The following APOLD1 variants were observed in gnomAD, a reference collection of about 807,000 sequenced individuals.
APOLD1 encodes apolipoprotein L domain-containing protein 1.
Under a neutral mutation model 15.3 loss-of-function variants are expected in APOLD1, and 22 were observed. The observed-to-expected ratio is 1.44, with a 90% CI of 1.03 to 2.05. The LOEUF (loss-of-function observed/expected upper bound fraction) is 2.05, where lower values mean the gene tolerates loss of function less well. Ranked by LOEUF, APOLD1 falls within the 30% of genes most tolerant of loss-of-function variation. APOLD1 has a pLI of 0.00. For synonymous variants in APOLD1, 190 were observed against 167.4 expected (o/e 1.13, Z -1.04); for missense variants, 394 against 353.5 (o/e 1.11, Z -0.92).
intron 1 of APOLD1, among the ~76,000 whole-genome samples, chr12:12,774,546 CAAAAAAAAAA>C (rs57343706): frequency 1.9e-4 from 8 of 42,294 alleles, no homozygotes; most frequent in African/African-American, 5.3e-4. Context: ...ACTCTAACTC[CAAAAAAAAAA>C]AAAAAAAAAA....
At chr12:12,726,463 A>G (rs1008173800) in intron 1 of APOLD1, 10 of 289,110 alleles carry the variant, frequency 3.5e-5, no homozygotes, top group Admixed American at 1.9e-4. Context: ...AATGGAAATG[A>G]CATTCTTTAT....
In APOLD1 at chr12:12,786,967, AG is replaced by A. The variant is rs1947132187; in HGVS notation, c.65del (p.Gly22AspfsTer33). 1 of 1,458,702 alleles carries A rather than the reference AG, an allele frequency of 6.9e-7. No individual in the cohort carries two copies. Among genetic ancestry groups the A allele is most frequent in the Non-Finnish European group, 9.0e-7 (1 of 1,115,066 alleles). The allele number at this position is 1,458,702 out of a possible 1,614,324, so 90.4% of individuals were successfully genotyped here. On this transcript the variant is annotated frameshift_variant, in exon 2 of 2. Coordinates refer to ENST00000356591, the MANE Select transcript of APOLD1 (RefSeq NM_030817.3). LOFTEE classifies it high-confidence loss of function. Reference sequence around the variant, plus strand: ...GGGCCCGACGCGCTGCGGCGCTTCCAGGGACTGCTGCTGGACCGCCGAGGCC... The same window carrying A: ...GGGCCCGACGCGCTGCGGCGCTTCCAGGACTGCTGCTGGACCGCCGAGGCC... The part of the protein sequence containing the change: ...PHGPDALRRF[Q>X]GLLLDRRGRL...
intron 1 of APOLD1, 25 bp downstream of exon 1, chr12:12,785,719 T>C (rs1253340498): frequency 6.2e-7 from 1 of 1,606,362 alleles, no homozygotes. Context: ...CTGAGGCATA[T>C]ATTCGGGATG....
chr12:12,786,957 C>T lies in APOLD1; in HGVS notation c.52C>T (p.Arg18Trp), dbSNP rs757476941. ...GGAGCCGCATGGGCCCGACGCGCTG[C>T]GGCGCTTCCAGGGACTGCTGCTGGA... ...AREPHGPDALRRFQGLLLDRR... is the reference protein window; with the variant it reads ...AREPHGPDALWRFQGLLLDRR... The change falls in exon 2 of 2, where the codon CGG becomes TGG. Residue 18 changes from arginine to tryptophan, a missense_variant. Transcript: ENST00000356591. 1.5e-4 allele frequency: 213 copies of T among 1,459,370 alleles called. No homozygotes were observed. Among genetic ancestry groups the T allele is most frequent in the Non-Finnish European group, 1.8e-4 (204 of 1,114,912 alleles). 90.4% of individuals were successfully genotyped at this position (1,459,370 alleles called of 1,614,324 possible).
At chr12:12,764,809 AG>A in intron 1 of APOLD1, 1 of 383,026 alleles carries the variant, frequency 2.6e-6, no homozygotes. Flanking sequence ...AGAGTAAGGA[AG>A]GCCACAGCAT....
rs146267312 is a variant in APOLD1 at position 12,768,852 on chromosome 12, G to A, written c.97-18057G>A. 1.8e-4 allele frequency among the ~76,000 whole-genome samples: 27 copies of A among 151,404 alleles called. No individual in the cohort carries two copies. In the East Asian group the frequency reaches 5.0e-3, roughly 28 times the overall value. ...TAGCATTGAAAGTAAAGGCAGAAAT[G>A]ACTTTTAAAGTGCTACATTTTCAGG... On this transcript the variant is annotated intron_variant, in intron 1 of 1. Coordinates refer to the APOLD1 transcript ENST00000326765.
intron 1 of APOLD1, among the ~76,000 whole-genome samples, chr12:12,741,073 C>A (rs527730796): frequency 2.6e-5 from 4 of 152,190 alleles, no homozygotes; most frequent in East Asian, 1.9e-4. Context: ...CTTTTTTGTA[C>A]CTCTTACCAA....
At chr12:12,786,781 G>A (rs1475572431) in intron 1 of APOLD1, 128 bp from the exon 2 acceptor site, 2 of 1,299,524 alleles carry the variant, frequency 1.5e-6, no homozygotes, top group African/African-American at 3.1e-5. Flanking sequence ...AAACAGACCC[G>A]TTCCCCTAGC....
At chr12:12,729,623 AAAAAAT>A (rs1246757827) in intron 1 of APOLD1, among the ~76,000 whole-genome samples, 3 of 152,064 alleles carry the variant, frequency 2.0e-5, no homozygotes, top group African/African-American at 7.2e-5. Flanking sequence ...ACCTGTTTCT[AAAAAAT>A]AAAAATAAAT....
chr12:12,781,526 CTTTTTTTTTTTT>C (rs774609531), upstream of APOLD1, among the ~76,000 whole-genome samples: 1 of 138,836 alleles, frequency 7.2e-6, no homozygotes, highest in Non-Finnish European at 1.6e-5. Flanking sequence ...ATCACTTTAT[CTTTTTTTTTTTT>C]TTTTTTTGAG....
At chr12:12,744,370 C>A (rs981501578) in intron 1 of APOLD1, among the ~76,000 whole-genome samples, 1 of 149,404 alleles carries the variant, frequency 6.7e-6, no homozygotes, top group Non-Finnish European at 1.5e-5. Context: ...GCACTGTGGG[C>A]GGCTGAGGTG....
At chr12:12,776,022 A>AAAC (rs1947030968) in intron 1 of APOLD1, among the ~76,000 whole-genome samples, 5 of 149,608 alleles carry the variant, frequency 3.3e-5, no homozygotes, top group Non-Finnish European at 5.9e-5. Context: ...AAAAAAAAAA[A>AAAC]AAAACACAAC....
intron 1 of APOLD1, among the ~76,000 whole-genome samples, chr12:12,757,374 A>AC (rs1363199368): frequency 1.3e-5 from 2 of 152,084 alleles, no homozygotes; most frequent in Non-Finnish European, 2.9e-5. Flanking sequence ...TGTTCAGCTA[A>AC]CCCCGCATGA....
chr12:12,744,603 G>A (rs866743834), intron 1 of APOLD1, among the ~76,000 whole-genome samples: 2 of 152,092 alleles, frequency 1.3e-5, no homozygotes, highest in Admixed American at 6.6e-5. Context: ...AGAACTGCTT[G>A]GTTTCTGATT....
At position 12,787,057 on chromosome 12, in the gene APOLD1, G is replaced by T. The variant is rs776077688; in HGVS notation, c.152G>T (p.Arg51Leu). 2.9e-5 allele frequency: 40 copies of T among 1,376,274 alleles called. No individual in the cohort carries two copies. The highest frequency in any genetic ancestry group is 5.1e-5 in the South Asian group (3 of 59,010). 85.3% of individuals were successfully genotyped at this position (1,376,274 alleles called of 1,614,324 possible). A position where few individuals can be genotyped will look rare whatever the true frequency, so the allele number is the denominator to read the frequency against. The change falls in exon 2 of 2, where the codon CGC (arginine) becomes CTC (leucine). Residue 51 changes from arginine (R) to leucine (L), a missense_variant. By Grantham distance (102) the Arg-to-Leu change is moderately radical (BLOSUM62 -2). Transcript: ENST00000356591. The surrounding 1 kb of genome is among the most constrained non-coding windows in gnomAD (Gnocchi z 4.9). ...VARRLERLRR[R>L]SLVANVAGSS... The stretch of plus-strand genomic sequence containing the variant: ...CGGCGCCTGGAGCGCCTGCGCAGGC[G>T]CTCCCTCGTAGCCAACGTGGCCGGC...
intron 1 of APOLD1, among the ~76,000 whole-genome samples, chr12:12,734,476 TC>T (rs1946667826): frequency 6.6e-6 from 1 of 152,234 alleles, no homozygotes; most frequent in Admixed American, 6.5e-5. Context: ...ATCGATTCTT[TC>T]CATTTTGCAG....
intron 1 of APOLD1, among the ~76,000 whole-genome samples, chr12:12,744,940 G>A (rs1431502411): frequency 6.6e-6 from 1 of 152,110 alleles, no homozygotes; most frequent in Admixed American, 6.5e-5. Flanking sequence ...CTATGAACTT[G>A]TGCCTACCTG....
intron 1 of APOLD1, among the ~76,000 whole-genome samples, chr12:12,729,407 A>G (rs1484629922): frequency 6.6e-6 from 1 of 152,158 alleles, no homozygotes; most frequent in African/African-American, 2.4e-5. Flanking sequence ...CAATAAACAT[A>G]GAATTCATAA....
intron 1 of APOLD1, among the ~76,000 whole-genome samples, chr12:12,767,714 T>C (rs1207407321): frequency 1.3e-5 from 2 of 152,036 alleles, no homozygotes; most frequent in Non-Finnish European, 2.9e-5. Context: ...AGCACTTACA[T>C]TGTATTAGGT....
Sources: allele counts gnomAD v4.1 joint callset (sites outside exome capture counted in the v4.1 genomes callset), GRCh38; gene constraint gnomAD v4.1.1; non-coding constraint Gnocchi (gnomAD v3.1); transcripts MANE v1.5; gene names NCBI Gene and HGNC (gene_info 2026-07-23, HGNC 2026-07-21).